Variants in CLSTN2 observed in about 807,000 individuals in gnomAD.
The protein encoded by CLSTN2 is calsyntenin 2.
A neutral mutation model predicts 101.2 loss-of-function variants in CLSTN2; 48 were observed. The observed-to-expected ratio is 0.47, with a 90% CI of 0.38 to 0.60. The LOEUF is 0.60. Among genes scored for constraint, CLSTN2 ranks in the 20% least tolerant of loss-of-function variants. The probability of loss-of-function intolerance (pLI) is 0.00; values close to 1 mark genes in which losing one functional copy is unlikely to be tolerated. For synonymous variants in CLSTN2, 481 were observed against 463.6 expected (o/e 1.04, Z -0.48); for missense variants, 1,160 against 1,238.2 (o/e 0.94, Z 0.95).
chr3:140,443,567 C>T (rs376381647), intron 5 of CLSTN2, among the ~76,000 whole-genome samples: 3 of 152,310 alleles, frequency 2.0e-5, no homozygotes, highest in African/African-American at 7.2e-5. Flanking sequence ...AATTTAGGCC[C>T]AATTATTAAA....
intron 1 of CLSTN2, among the ~76,000 whole-genome samples, chr3:140,118,002 G>A (rs1462554203): frequency 6.6e-6 from 1 of 152,166 alleles, no homozygotes; most frequent in Non-Finnish European, 1.5e-5. Flanking sequence ...AGTACCTCAG[G>A]ATGTGATTGT....
intron 4 of CLSTN2, among the ~76,000 whole-genome samples, chr3:140,419,033 T>TAA (rs138286232): frequency 0.13 from 18,189 of 135,120 alleles, 1,113 homozygotes; most frequent in East Asian, 0.18. Flanking sequence ...GGACCTTTTT[T>TAA]TAAAAAAAAA....
chr3:140,253,431 G>A (rs1288625325), intron 2 of CLSTN2, among the ~76,000 whole-genome samples: 1 of 152,164 alleles, frequency 6.6e-6, no homozygotes, highest in Non-Finnish European at 1.5e-5. Flanking sequence ...CTTAATTAGT[G>A]TTGGCAGCAA....
In CLSTN2 at chr3:140,404,568, C is replaced by T; in HGVS notation, c.439C>T (p.His147Tyr). ...AWKKSHKAVVHIQVKDVNEFA... is the reference protein window; with the variant it reads ...AWKKSHKAVVYIQVKDVNEFA... ...TGTGTGTGGTCCCAGGGCCGTGGTC[C>T]ATATACAGGTGAAGGATGTCAACGA... The change falls in exon 4 of 17, where the codon CAT becomes TAT. Residue 147 changes from histidine (H) to tyrosine (Y), a missense_variant. Transcript: ENST00000458420. 1 of 1,614,114 alleles carries T rather than the reference C, an allele frequency of 6.2e-7. No individual in the cohort carries two copies. Among genetic ancestry groups the T allele is most frequent in the Non-Finnish European group, 8.5e-7 (1 of 1,180,012 alleles).
At chr3:140,510,411 C>T (rs1934784317) in intron 8 of CLSTN2, among the ~76,000 whole-genome samples, 1 of 152,186 alleles carries the variant, frequency 6.6e-6, no homozygotes. Context: ...GTGCTAGGCA[C>T]ATCATCAGTG....
At chr3:140,176,399 G>T (rs917360120) in intron 2 of CLSTN2, among the ~76,000 whole-genome samples, 2 of 152,188 alleles carry the variant, frequency 1.3e-5, no homozygotes, top group Non-Finnish European at 2.9e-5. Flanking sequence ...TTTACCCATA[G>T]AGAGAAGACC....
chr3:140,417,674 G>A (rs1487102817), intron 4 of CLSTN2, among the ~76,000 whole-genome samples: 1 of 152,188 alleles, frequency 6.6e-6, no homozygotes, highest in Non-Finnish European at 1.5e-5. Flanking sequence ...TGTGGGATTA[G>A]GTCTCCTGAG....
chr3:140,423,166 A>G (rs1255610265), intron 5 of CLSTN2, among the ~76,000 whole-genome samples: 4 of 152,234 alleles, frequency 2.6e-5, no homozygotes, highest in Non-Finnish European at 5.9e-5. Context: ...CTAAATTTAA[A>G]TATAATTTCC....
At chr3:140,547,318 A>G (rs1355614385) in intron 10 of CLSTN2, among the ~76,000 whole-genome samples, 5 of 152,118 alleles carry the variant, frequency 3.3e-5, no homozygotes, top group African/African-American at 1.2e-4. Flanking sequence ...TACTAAAAAT[A>G]CAAAAATTAG....
chr3:140,359,718 T>G (rs2107948757), intron 2 of CLSTN2, among the ~76,000 whole-genome samples: 1 of 152,198 alleles, frequency 6.6e-6, no homozygotes. Flanking sequence ...AACCTCAACT[T>G]TAAAGGAAGA....
In CLSTN2 at chr3:140,566,134, A is replaced by C. The variant is rs748954186; in HGVS notation, c.2749A>C (p.Ser917Arg). The C allele has an allele frequency of 1.9e-6, 3 of 1,611,534 alleles. No individual in the cohort carries two copies. The highest frequency in any genetic ancestry group is 2.5e-6 in the Non-Finnish European group (3 of 1,177,696). Reference protein sequence around the residue: ...EEAEEEMSSSSGSDDSEEEEE... With the variant: ...EEAEEEMSSSRGSDDSEEEEE... ...AGCCGAGGAAGAAATGAGCTCCAGC[A>C]GTGGCTCTGACGACAGCGAAGAGGA... Residue 917 changes from serine to arginine, a missense_variant, in exon 17 of 17, where the codon AGT becomes CGT. Coordinates refer to ENST00000458420, the MANE Select transcript of CLSTN2 (RefSeq NM_022131.3).
intron 2 of CLSTN2, among the ~76,000 whole-genome samples, chr3:140,236,827 G>GTGTA (rs1491089222): frequency 2.4e-5 from 2 of 83,278 alleles, no homozygotes; most frequent in Non-Finnish European, 5.5e-5. Flanking sequence ...GTTATATAGT[G>GTGTA]TGTGTGTGTG....
At chr3:140,391,719 C>G (rs1432738363) in intron 2 of CLSTN2, among the ~76,000 whole-genome samples, 1 of 151,604 alleles carries the variant, frequency 6.6e-6, no homozygotes, top group Non-Finnish European at 1.5e-5. Context: ...GAACTAGAAC[C>G]CTATTGCCAA....
At chr3:140,381,411 G>C (rs1038966351) in intron 2 of CLSTN2, among the ~76,000 whole-genome samples, 1 of 152,124 alleles carries the variant, frequency 6.6e-6, no homozygotes, top group Admixed American at 6.5e-5. Context: ...CAGTTCCTAA[G>C]GCAGACTCCA....
At position 140,159,548 on chromosome 3, in the gene CLSTN2, GC is replaced by G. The variant is rs200319079; in HGVS notation, c.110-16402del. 2.6e-3 allele frequency among the ~76,000 whole-genome samples: 393 copies of G among 152,262 alleles called. 11 individuals carry two copies. The highest frequency in any genetic ancestry group is 0.023 in the Admixed American group (349 of 15,294). ...TGGTAAGGCTGTGGTGAAAGGGCAT[GC>G]TTTTACATTGTTGGTGGTAATGTAA... On this transcript the variant is annotated intron_variant, in intron 1 of 16. Coordinates refer to ENST00000458420, the MANE Select transcript of CLSTN2 (RefSeq NM_022131.3).
intron 8 of CLSTN2, among the ~76,000 whole-genome samples, chr3:140,489,825 A>G (rs1036907799): frequency 6.0e-5 from 9 of 151,234 alleles, no homozygotes; most frequent in South Asian, 2.1e-4. Flanking sequence ...AAGATTAGAA[A>G]ACAACTGGCT....
At chr3:140,052,368 G>A (rs1576410692) in intron 1 of CLSTN2, among the ~76,000 whole-genome samples, 1 of 152,132 alleles carries the variant, frequency 6.6e-6, no homozygotes, top group South Asian at 2.1e-4. Context: ...GTATTGGCCA[G>A]GCTGGCCTCT....
intron 2 of CLSTN2, among the ~76,000 whole-genome samples, chr3:140,209,506 C>T (rs946710352): frequency 2.0e-5 from 3 of 152,186 alleles, no homozygotes; most frequent in African/African-American, 7.2e-5. Flanking sequence ...TGGGGACAGA[C>T]TTTGGTGCTT....
chr3:140,565,903 G>T lies in CLSTN2; in HGVS notation c.2668-150G>T. On this transcript the variant is annotated intron_variant, in intron 16 of 16. Transcript: ENST00000458420. ...TTTTACCAGAAGACTTCCCTTCCAG[G>T]AAGTCTGTCTCCAGGCTGAAGAGTT... The T allele has an allele frequency of 3.1e-6, 3 of 969,112 alleles. No individual in the cohort carries two copies. In the South Asian group the frequency reaches 5.2e-5, roughly 17 times the overall value. The allele number at this position is 969,112 out of a possible 1,614,324, so 60.0% of individuals were successfully genotyped here.
Sources: gnomAD v4.1 joint callset for allele counts (sites outside exome capture counted in the v4.1 genomes callset) on GRCh38, gnomAD v4.1.1 for gene constraint, MANE v1.5 for transcripts, NCBI Gene and HGNC (gene_info 2026-07-23, HGNC 2026-07-21) for gene names.